GRID2: variants seen among roughly 807,000 people sequenced by gnomAD.
GRID2 encodes the protein glutamate receptor ionotropic, delta-2.
In GRID2, 33 loss-of-function variants were observed where a neutral mutation model predicts 114.8. The ratio of observed to expected loss-of-function variants is 0.29; its 90% CI spans 0.22 to 0.38. The LOEUF is 0.38. GRID2 is among the 10% of genes least tolerant of loss of function. The pLI is 1.00. For missense variants in GRID2, 1,184 were observed against 1,257.7 expected (o/e 0.94, Z 0.89); for synonymous variants, 505 against 449.9 (o/e 1.12, Z -1.55).
intron 2 of GRID2, among the ~76,000 whole-genome samples, chr4:92,725,104 A>G (rs1456631516): frequency 1.3e-5 from 2 of 152,032 alleles, no homozygotes; most frequent in Admixed American, 1.3e-4. Context: ...AGTTCGAGAC[A>G]ACTCTGGGCA....
At chr4:92,731,175 A>G (rs140360947) in intron 2 of GRID2, among the ~76,000 whole-genome samples, 1 of 152,080 alleles carries the variant, frequency 6.6e-6, no homozygotes, top group Non-Finnish European at 1.5e-5. Flanking sequence ...TCATCATTAT[A>G]GAATTTAGAG....
At chr4:93,518,002 T>TGTACATACATGTAC (rs1578174533) in intron 13 of GRID2, among the ~76,000 whole-genome samples, 4 of 48,958 alleles carry the variant, frequency 8.2e-5, no homozygotes, top group African/African-American at 3.1e-4. Context: ...CATACATGTA[T>TGTACATACATGTAC]ATGTATGTAT....
At chr4:93,793,642 A>T (rs1233936096) in intron 1 of GRID2, among the ~76,000 whole-genome samples, 5 of 152,140 alleles carry the variant, frequency 3.3e-5, no homozygotes, top group Admixed American at 6.5e-5. Flanking sequence ...ATTGAGATAC[A>T]CTCAAAAACA....
At chr4:93,348,358 C>G (rs1760451655) in intron 8 of GRID2, among the ~76,000 whole-genome samples, 1 of 152,060 alleles carries the variant, frequency 6.6e-6, no homozygotes, top group South Asian at 2.1e-4. Flanking sequence ...TGAACCCAAG[C>G]TGAAAGTGAA....
At chr4:93,029,080 C>T (rs1248229456) in intron 2 of GRID2, among the ~76,000 whole-genome samples, 1 of 151,858 alleles carries the variant, frequency 6.6e-6, no homozygotes, top group African/African-American at 2.4e-5. Flanking sequence ...TCCTGAGTTC[C>T]CATTACATGG....
chr4:93,412,412 C>T (rs2149354446), intron 9 of GRID2, among the ~76,000 whole-genome samples: 1 of 152,194 alleles, frequency 6.6e-6, no homozygotes, highest in East Asian at 1.9e-4. Context: ...AAACAAAACC[C>T]ATCTCTGATT....
chr4:92,842,820 T>G (rs925292237), intron 2 of GRID2, among the ~76,000 whole-genome samples: 23 of 152,096 alleles, frequency 1.5e-4, no homozygotes, highest in South Asian at 4.1e-4. Context: ...ATCATTTAGA[T>G]ATGAGTATCT....
At chr4:92,305,358 GCTGGCGGCAGTGTCGCCAAGGA>G (rs1048894135) in intron 1 of GRID2, among the ~76,000 whole-genome samples, 21 of 152,282 alleles carry the variant, frequency 1.4e-4, no homozygotes, top group African/African-American at 4.6e-4. Context: ...GGCAGGAGGG[GCTGGCGGCAGTGTCGCCAAGGA>G]CTGATTGTCG....
rs149910535 is a variant in GRID2 at position 92,469,074 on chromosome 4, T to C, written c.89-121057T>C. Among the ~76,000 whole-genome samples, 91 of 152,294 alleles carry C rather than the reference T, an allele frequency of 6.0e-4. 1 individual carries two copies. In the East Asian group the frequency reaches 0.017, roughly 28 times the overall value. On this transcript the variant is annotated intron_variant, in intron 1 of 15. Transcript: ENST00000282020. ...TGTTGCTTTCCTTGTTTTTAATTACTTAATTTCTATTATTTTTGAAGAGAC... is the reference window on the plus strand; with the variant it reads ...TGTTGCTTTCCTTGTTTTTAATTACCTAATTTCTATTATTTTTGAAGAGAC...
chr4:92,609,306 CTA>C (rs1729607470), intron 2 of GRID2, among the ~76,000 whole-genome samples: 1 of 151,452 alleles, frequency 6.6e-6, no homozygotes, highest in Non-Finnish European at 1.5e-5. Flanking sequence ...TATCGAGTGT[CTA>C]TGTGCCAAGT....
intron 11 of GRID2, among the ~76,000 whole-genome samples, chr4:93,458,107 G>A (rs1410221352): frequency 2.0e-5 from 3 of 152,166 alleles, no homozygotes. Flanking sequence ...GAGCTCTAAG[G>A]AAAGGAATGG....
chr4:92,653,783 C>G (rs75637203), intron 2 of GRID2, among the ~76,000 whole-genome samples: 4 of 152,008 alleles, frequency 2.6e-5, no homozygotes, highest in Non-Finnish European at 5.9e-5. Context: ...TCTTACAGTT[C>G]CTAAAATTAT....
intron 8 of GRID2, among the ~76,000 whole-genome samples, chr4:93,334,836 C>T (rs1758867442): frequency 6.6e-6 from 1 of 151,906 alleles, no homozygotes; most frequent in South Asian, 2.1e-4. Flanking sequence ...GAGGCTAAGG[C>T]AGGAGAATCG....
intron 4 of GRID2, among the ~76,000 whole-genome samples, chr4:93,123,723 A>G (rs1276148954): frequency 6.6e-6 from 1 of 152,170 alleles, no homozygotes; most frequent in African/African-American, 2.4e-5. Context: ...TTGGCAATGT[A>G]TGAGTTACAC....
intron 2 of GRID2, among the ~76,000 whole-genome samples, chr4:92,848,852 T>C (rs1396554611): frequency 1.3e-5 from 2 of 151,666 alleles, no homozygotes; most frequent in Non-Finnish European, 2.9e-5. Flanking sequence ...ACACCAGGGG[T>C]GTAGCTGGGT....
At chr4:92,339,715 A>T (rs897443624) in intron 1 of GRID2, among the ~76,000 whole-genome samples, 2 of 152,188 alleles carry the variant, frequency 1.3e-5, no homozygotes, top group African/African-American at 4.8e-5. Context: ...CCACTTTATT[A>T]TTCTGTTTAT....
intron 2 of GRID2, among the ~76,000 whole-genome samples, chr4:92,592,140 A>G (rs1728732019): frequency 6.6e-6 from 1 of 152,086 alleles, no homozygotes. Context: ...TAGGAAATAT[A>G]TGTCATTCAT....
chr4:93,128,085 AC>A (rs1734470477), intron 4 of GRID2, among the ~76,000 whole-genome samples: 2 of 141,190 alleles, frequency 1.4e-5, no homozygotes, highest in African/African-American at 2.6e-5. Context: ...TATTGGTTTT[AC>A]AGCTCTACAG....
intron 2 of GRID2, among the ~76,000 whole-genome samples, chr4:92,720,095 T>C (rs560745020): frequency 3.9e-4 from 60 of 152,262 alleles, no homozygotes; most frequent in East Asian, 1.7e-3. Flanking sequence ...TTGCATGTAC[T>C]GTCTCCAGAA....
Sources: gnomAD v4.1 joint callset for allele counts (sites outside exome capture counted in the v4.1 genomes callset) on GRCh38, gnomAD v4.1.1 for gene constraint, MANE v1.5 for transcripts, NCBI Gene and HGNC (gene_info 2026-07-23, HGNC 2026-07-21) for gene names.